The following TXNDC16 variants were observed in gnomAD, a reference collection of about 807,000 sequenced individuals.
The protein encoded by TXNDC16 is thioredoxin domain containing 16.
In TXNDC16, 74 loss-of-function variants were observed where a neutral mutation model predicts 85.6. The observed-to-expected ratio is 0.86, with a 90% CI of 0.72 to 1.05. TXNDC16 has a LOEUF of 1.05. Ranked by LOEUF, TXNDC16 falls within the 50% of genes least tolerant of loss-of-function variation. The pLI is 0.00. For missense variants in TXNDC16, 959 were observed against 947.0 expected (o/e 1.01, Z -0.17); for synonymous variants, 335 against 326.5 (o/e 1.03, Z -0.28).
intron 16 of TXNDC16, among the ~76,000 whole-genome samples, chr14:52,457,973 A>G (rs1174503851): frequency 1.3e-5 from 2 of 152,198 alleles, no homozygotes; most frequent in Admixed American, 1.3e-4. Context: ...TGATAATTCA[A>G]TTCATACATG....
rs567122026 is a variant in TXNDC16 at position 52,432,647 on chromosome 14, T to C, written c.2195-60A>G. On this transcript the variant is annotated intron_variant, in intron 20 of 20. Transcript: ENST00000281741. ...ACAGCTATAAATCGTCACATCAACA[T>C]ATTAGAAAATGTTTTATTTTGAAAA... The C allele has an allele frequency of 1.3e-3, 1,739 of 1,377,502 alleles. 2 individuals are homozygous for C. The highest frequency in any genetic ancestry group is 1.6e-3 in the Non-Finnish European group (1,612 of 1,033,108). 85.3% of individuals were successfully genotyped at this position (1,377,502 alleles called of 1,614,324 possible). A position where few individuals can be genotyped will look rare whatever the true frequency, so the allele number is the denominator to read the frequency against.
intron 18 of TXNDC16, among the ~76,000 whole-genome samples, chr14:52,454,425 TAAA>T (rs535276734): frequency 2.5e-5 from 3 of 120,206 alleles, no homozygotes; most frequent in African/African-American, 3.0e-5. Flanking sequence ...AAACTCTGTC[TAAA>T]AAAAAAAAAA....
chr14:52,551,420 T>C (rs1208835150), intron 1 of TXNDC16, among the ~76,000 whole-genome samples: 5 of 147,284 alleles, frequency 3.4e-5, no homozygotes, highest in African/African-American at 5.1e-5. Context: ...TGGAGGTTTG[T>C]AGTGAACTGT....
At chr14:52,521,192 A>C (rs1296421358) in intron 6 of TXNDC16, among the ~76,000 whole-genome samples, 1 of 151,866 alleles carries the variant, frequency 6.6e-6, no homozygotes, top group East Asian at 1.9e-4. Context: ...AGCTCACTGC[A>C]ACCTCCCCAC....
chr14:52,493,208 T>TACAC (rs755511374), intron 9 of TXNDC16, among the ~76,000 whole-genome samples: 322 of 119,748 alleles, frequency 2.7e-3, no homozygotes, highest in African/African-American at 4.5e-3. Context: ...TATATATATA[T>TACAC]ATATATATAC....
At chr14:52,530,454 A>T (rs1206832961) in intron 6 of TXNDC16, among the ~76,000 whole-genome samples, 5 of 8,816 alleles carry the variant, frequency 5.7e-4, no homozygotes, top group African/African-American at 3.7e-3. Context: ...ATTATTATAT[A>T]ATAATATATA....
intron 9 of TXNDC16, among the ~76,000 whole-genome samples, chr14:52,506,137 C>G (rs895321480): frequency 2.9e-4 from 44 of 152,138 alleles, no homozygotes; most frequent in African/African-American, 1.1e-3. Context: ...CCGAATTCTA[C>G]CAGAGGTACA....
At chr14:52,471,448 T>C (rs972229401) in intron 14 of TXNDC16, among the ~76,000 whole-genome samples, 1 of 152,228 alleles carries the variant, frequency 6.6e-6, no homozygotes, top group Admixed American at 6.5e-5. Context: ...CACCAACCTT[T>C]TGCAGAATTA....
At chr14:52,467,197 C>G (rs550953293) in intron 16 of TXNDC16, among the ~76,000 whole-genome samples, 4 of 151,602 alleles carry the variant, frequency 2.6e-5, no homozygotes, top group Admixed American at 1.3e-4. Context: ...AAAGGATAAA[C>G]GTTAACTATT....
At chr14:52,516,616 T>A (rs149727214) in intron 7 of TXNDC16, among the ~76,000 whole-genome samples, 1 of 152,324 alleles carries the variant, frequency 6.6e-6, no homozygotes, top group East Asian at 1.9e-4. Context: ...GTCCTTTCCA[T>A]CTGGCAGCTC....
chr14:52,513,922 C>G (rs2037017665), intron 8 of TXNDC16, among the ~76,000 whole-genome samples: 1 of 152,068 alleles, frequency 6.6e-6, no homozygotes, highest in Admixed American at 6.6e-5. Context: ...AATAACAAGG[C>G]TTCACCCATT....
rs1354636640 is a variant in TXNDC16, at chr14:52,490,789, A to G, written c.923+50T>C. On this transcript the variant is annotated intron_variant, in intron 10 of 20. Transcript: ENST00000281741. The stretch of plus-strand genomic sequence containing the variant: ...TAAATTACCATATTTTAAAACGTGG[A>G]AACTATTAGCGTTTTGCTAAATATA... The G allele has an allele frequency of 1.4e-5, 22 of 1,556,684 alleles. No individual in the cohort carries two copies. The East Asian group carries it at 4.5e-4, about 32-fold the overall frequency.
chr14:52,501,345 T>G (rs1256599968), intron 9 of TXNDC16, among the ~76,000 whole-genome samples: 1 of 152,146 alleles, frequency 6.6e-6, no homozygotes, highest in Non-Finnish European at 1.5e-5. Flanking sequence ...ATAATACATA[T>G]AATTGCAATG....
intron 6 of TXNDC16, among the ~76,000 whole-genome samples, chr14:52,520,938 C>T (rs1348107569): frequency 6.6e-6 from 1 of 151,856 alleles, no homozygotes; most frequent in East Asian, 1.9e-4. Flanking sequence ...CCTCAAGGAG[C>T]TTTTATGTAA....
At chr14:52,446,246 T>A (rs1204110403) in intron 18 of TXNDC16, among the ~76,000 whole-genome samples, 1 of 152,174 alleles carries the variant, frequency 6.6e-6, no homozygotes, top group African/African-American at 2.4e-5. Context: ...GAAGAGAGAA[T>A]CTATGTGTTT....
intron 6 of TXNDC16, among the ~76,000 whole-genome samples, chr14:52,529,526 TTATATATAATGCCTATTATATATAA>T (rs1566580760): frequency 8.8e-5 from 9 of 102,692 alleles, no homozygotes; most frequent in South Asian, 8.6e-4. Flanking sequence ...ATTATATATA[TTATATATAATGCCTATTATATATAA>T]TATATATAAT....
At chr14:52,499,647 CGTT>C (rs1042990127) in intron 9 of TXNDC16, among the ~76,000 whole-genome samples, 4 of 150,516 alleles carry the variant, frequency 2.7e-5, no homozygotes, top group Non-Finnish European at 5.9e-5. Flanking sequence ...GAATGACAAA[CGTT>C]GGTGAAGATA....
At chr14:52,506,778 G>A (rs185119619) in intron 9 of TXNDC16, among the ~76,000 whole-genome samples, 1,556 of 142,400 alleles carry the variant, frequency 0.011, 149 homozygotes, top group Admixed American at 0.047. Context: ...GGATGGTCTC[G>A]ATCTCCTGAC....
intron 6 of TXNDC16, among the ~76,000 whole-genome samples, chr14:52,535,950 G>A (rs888443476): frequency 6.6e-6 from 1 of 152,142 alleles, no homozygotes; most frequent in South Asian, 2.1e-4. Flanking sequence ...CTTGAGCCTG[G>A]GAGGTGGAGG....
Sources: allele counts gnomAD v4.1 joint callset (sites outside exome capture counted in the v4.1 genomes callset), GRCh38; gene constraint gnomAD v4.1.1; transcripts MANE v1.5; gene names NCBI Gene and HGNC (gene_info 2026-07-23, HGNC 2026-07-21).